The following MAMDC4 variants were observed in gnomAD, a reference collection of about 807,000 sequenced individuals.
The protein encoded by MAMDC4 is apical endosomal glycoprotein.
In MAMDC4, 168 loss-of-function variants were observed where a neutral mutation model predicts 153.3. The ratio of observed to expected loss-of-function variants is 1.10; its 90% confidence interval spans 0.97 to 1.25. The LOEUF (loss-of-function observed/expected upper bound fraction) is 1.25. Among genes scored for constraint, MAMDC4 ranks in the 50% most tolerant of loss-of-function variants. The pLI is 0.00. For synonymous variants in MAMDC4, 744 were observed against 651.5 expected, an observed-to-expected ratio of 1.14 and a Z score of -2.16; for missense variants, 1,701 against 1,542.8, an observed-to-expected ratio of 1.10 and a Z score of -1.72.
intron 20 of MAMDC4, 29 bp from the exon 21 acceptor site, chr9:136,858,157 C>A: frequency 6.4e-7 from 1 of 1,551,112 alleles, no homozygotes; most frequent in African/African-American, 1.4e-5. Context: ...CCTGGACCCG[C>A]TGAGGCTGCC....
In MAMDC4 at chr9:136,853,508, C is replaced by T. The variant is rs535710228; in HGVS notation, c.329-37C>T. On this transcript the variant is annotated intron_variant, in intron 3 of 26. Transcript: ENST00000317446. ...CGCCCCTGTCCCAATACCCTCCTTG[C>T]TCCCTGCCCCGTCTCCTGACCTCTC... The T allele has an allele frequency of 3.7e-5, 59 of 1,612,284 alleles. No individual in the cohort carries two copies. In the South Asian group the frequency reaches 6.1e-4, roughly 17 times the overall value.
In MAMDC4 at chr9:136,858,103, T is replaced by C. The variant is rs1391278165; in HGVS notation, c.2583+6T>C. The C allele has an allele frequency of 6.5e-7, 1 of 1,533,294 alleles. No individual in the cohort carries two copies. The highest frequency in any genetic ancestry group is 8.8e-7 in the Non-Finnish European group (1 of 1,141,270). 95.0% of individuals were successfully genotyped at this position (1,533,294 alleles called of 1,614,324 possible). ...AGGCCGAGCGAGCCTGGAGGGTGAG[T>C]GCAGGGTGGGGTGCCCCTCCCCCTC... is the stretch of plus-strand genomic sequence containing the variant. On this transcript the variant is annotated splice_donor_region_variant and intron_variant, in intron 20 of 26. Coordinates refer to ENST00000317446, the MANE Select transcript of MAMDC4 (RefSeq NM_206920.3).
At chr9:136,855,368 C>T (rs755768251) in intron 11 of MAMDC4, 30 bp downstream of exon 11, 2 of 1,600,356 alleles carry the variant, frequency 1.2e-6, no homozygotes, top group South Asian at 2.2e-5. Flanking sequence ...CCTACCCTGC[C>T]TTGCCCTGGA....
chr9:136,856,207 G>A (rs1849001970), intron 14 of MAMDC4, 58 bp downstream of exon 14: 3 of 1,611,554 alleles, frequency 1.9e-6, no homozygotes, highest in African/African-American at 2.7e-5. Flanking sequence ...TGCACAGTGG[G>A]AGGGGTCTGG....
At chr9:136,860,284 T>C (rs928885945) in intron 26 of MAMDC4, among the ~76,000 whole-genome samples, 17 of 152,098 alleles carry the variant, frequency 1.1e-4, no homozygotes, top group East Asian at 5.8e-4. Flanking sequence ...CTTTGGGAGA[T>C]TGAGGTGGGC....
chr9:136,858,608 C>A (rs922957404), intron 22 of MAMDC4, 62 bp downstream of exon 22: 199 of 1,579,348 alleles, frequency 1.3e-4, no homozygotes, highest in Middle Eastern at 1.7e-4. Flanking sequence ...CTGCTGCCCA[C>A]CCACAGAGTA....
At chr9:136,853,950 G>A (rs375313332) in intron 5 of MAMDC4, 42 bp from the exon 6 acceptor site, 2 of 1,612,742 alleles carry the variant, frequency 1.2e-6, no homozygotes, top group Admixed American at 1.7e-5. Flanking sequence ...TTGAGGAGGG[G>A]TCTGGGCCCT....
rs1849057622 is a variant in MAMDC4 at position 136,859,621 on chromosome 9, C to T, written c.3194-265C>T. ...GGTCCATCCTGGAGGAACCGCCAGC[C>T]GGGTCAGGGCAGCCACTGACTGCTC... On this transcript the variant is annotated intron_variant, in intron 25 of 26. Coordinates refer to ENST00000317446, the MANE Select transcript of MAMDC4 (RefSeq NM_206920.3). 1.2e-5 allele frequency: 7 copies of T among 592,242 alleles called. No homozygotes were observed. The South Asian group carries it at 1.4e-4, about 12-fold the overall frequency. 36.7% of individuals were successfully genotyped at this position (592,242 alleles called of 1,614,324 possible).
chr9:136,857,843 C>A, intron 19 of MAMDC4, 47 bp downstream of exon 19: 1 of 1,588,602 alleles, frequency 6.3e-7, no homozygotes, highest in Non-Finnish European at 8.6e-7. Flanking sequence ...GGAAGCTTGG[C>A]CTGGTGTCCC....
In MAMDC4 at chr9:136,854,604, C is replaced by T. The variant is rs764396242; in HGVS notation, c.862C>T (p.Arg288Trp). The T allele has an allele frequency of 4.8e-5, 77 of 1,607,268 alleles. No homozygotes were observed. Among genetic ancestry groups the T allele is most frequent in the African/African-American group, 6.7e-5 (5 of 74,736 alleles). Reference protein sequence around the residue: ...GPWNRSEGWSRNHRAGGPERP... With the variant: ...GPWNRSEGWSWNHRAGGPERP... ...ATGGAACCGCTCGGAAGGCTGGTCC[C>T]GGAACCACCGCGCTGGTGGTCCTGA... The change falls in exon 8 of 27, where the codon CGG (arginine) becomes TGG (tryptophan). Residue 288 changes from arginine (R) to tryptophan (W), a missense_variant. By Grantham distance (101) the Arg-to-Trp change is moderately radical. Coordinates refer to ENST00000317446, the MANE Select transcript of MAMDC4 (RefSeq NM_206920.3).
Position 136,855,354 on chromosome 9 carries a change from C to T in MAMDC4, c.1282+16C>T. On this transcript the variant is annotated intron_variant, in intron 11 of 26. Coordinates refer to ENST00000317446, the MANE Select transcript of MAMDC4 (RefSeq NM_206920.3). ...CCAGTCTCGGGTGAGCCTGCTGACTCTGCCCTACCCTGCCTTGCCCTGGAG... is the reference window on the plus strand; with the variant it reads ...CCAGTCTCGGGTGAGCCTGCTGACTTTGCCCTACCCTGCCTTGCCCTGGAG... 6.3e-7 allele frequency: 1 copy of T among 1,599,566 alleles called. No individual in the cohort carries two copies. Among genetic ancestry groups the T allele is most frequent in the Non-Finnish European group, 8.5e-7 (1 of 1,172,300 alleles).
chr9:136,860,157 G>A (rs1849066243), intron 26 of MAMDC4, 93 bp downstream of exon 26: 4 of 1,384,762 alleles, frequency 2.9e-6, no homozygotes, highest in South Asian at 2.9e-5. Context: ...CCCCGGGGAG[G>A]AGCCCCCACC....
chr9:136,860,678 C>A lies in MAMDC4; in HGVS notation c.*75C>A. 1 of 1,541,620 alleles carries A rather than the reference C, an allele frequency of 6.5e-7. No individual in the cohort carries two copies. ...CAGACCCTAGCCAGGGACCGGACAC[C>A]TGCCCCGCCCAGGCTGGGACAGGCT... On this transcript the variant is annotated 3_prime_UTR_variant, in exon 27 of 27. Coordinates refer to ENST00000317446, the MANE Select transcript of MAMDC4 (RefSeq NM_206920.3).
chr9:136,860,590 C>T lies in MAMDC4; in HGVS notation c.3401C>T (p.Thr1134Ile), dbSNP rs1564389985. ...ADGVTLPASV[T>I]SDP ...GGTGTCACCCTCCCGGCATCTGTCACCAGTGATCCGTAGACCACCCCAGAC... is the reference window on the plus strand; with the variant it reads ...GGTGTCACCCTCCCGGCATCTGTCATCAGTGATCCGTAGACCACCCCAGAC... The change falls in exon 27 of 27, where the codon ACC becomes ATC. Residue 1134 changes from threonine (T) to isoleucine (I), a missense_variant. Physicochemically the swap from Thr to Ile is moderately conservative, Grantham distance 89. Transcript: ENST00000317446. 6.2e-7 allele frequency: 1 copy of T among 1,613,204 alleles called. No individual in the cohort carries two copies. Among genetic ancestry groups the T allele is most frequent in the South Asian group, 1.1e-5 (1 of 91,086 alleles).
chr9:136,853,767 G>A lies in MAMDC4; in HGVS notation c.455-10G>A, dbSNP rs1229191154. On this transcript the variant is annotated splice_polypyrimidine_tract_variant and intron_variant, in intron 4 of 26. Coordinates refer to ENST00000317446, the MANE Select transcript of MAMDC4 (RefSeq NM_206920.3). The stretch of plus-strand genomic sequence containing the variant: ...GGGCCGCAGCTGCCCTGGGACCCCT[G>A]ACATTGCAGATGTGGCTGAACTGCG... The A allele has an allele frequency of 1.6e-5, 25 of 1,607,806 alleles. No homozygotes were observed. Among genetic ancestry groups the A allele is most frequent in the Non-Finnish European group, 2.1e-5 (25 of 1,177,254 alleles).
At chr9:136,852,944 G>T (rs1848946916) in intron 1 of MAMDC4, among the ~76,000 whole-genome samples, 158 bp from the exon 2 acceptor site, 1 of 152,224 alleles carries the variant, frequency 6.6e-6, no homozygotes, top group African/African-American at 2.4e-5. Context: ...AGCCGGGTGG[G>T]AGTTCTCTGT....
rs1849018592 is a variant in MAMDC4, at chr9:136,857,212, T to C, written c.2020T>C (p.Trp674Arg). ...ACGGGAAGGGGAGGAGACACACCTG[T>C]GGTCGCGGTCAGGCACCCAGGGCAA... is the stretch of plus-strand genomic sequence containing the variant. ...MRREGEETHLWSRSGTQGNRW... is the reference protein window; with the variant it reads ...MRREGEETHLRSRSGTQGNRW... Residue 674 changes from tryptophan to arginine, a missense_variant, in exon 17 of 27, where the codon TGG (tryptophan) becomes CGG (arginine). By Grantham distance (101) the Trp-to-Arg change is moderately radical. Transcript: ENST00000317446. 1.9e-6 allele frequency: 3 copies of C among 1,611,822 alleles called. No individual in the cohort carries two copies. Among genetic ancestry groups the C allele is most frequent in the Non-Finnish European group, 2.5e-6 (3 of 1,179,600 alleles).
chr9:136,858,972 C>T, intron 23 of MAMDC4, 33 bp from the exon 24 acceptor site: 1 of 1,509,806 alleles, frequency 6.6e-7, no homozygotes, highest in South Asian at 1.3e-5. Context: ...GCCCCAGGAC[C>T]CCAGGCCTGA....
chr9:136,856,142 G>A lies in MAMDC4; in HGVS notation c.1713G>A (p.Gln571=), dbSNP rs187795197. ...ACCTGGCTTATTATTTACAGAGCCAGCCCCGAGGTACCGCCACACTCCGCA... is the reference window on the plus strand; with the variant it reads ...ACCTGGCTTATTATTTACAGAGCCAACCCCGAGGTACCGCCACACTCCGCA... ...ELHLAYYLQS[Q]PREVSCNFER... Residue 571 remains glutamine (Q), a synonymous_variant, in exon 14 of 27, where the codon CAG becomes CAA. Transcript: ENST00000317446. The A allele has an allele frequency of 4.4e-5, 71 of 1,612,170 alleles. No homozygotes were observed. Among genetic ancestry groups the A allele is most frequent in the Non-Finnish European group, 5.6e-5 (66 of 1,179,668 alleles).
Sources: gnomAD v4.1 joint callset for allele counts (sites outside exome capture counted in the v4.1 genomes callset) on GRCh38, gnomAD v4.1.1 for gene constraint, MANE v1.5 for transcripts, NCBI Gene and HGNC (gene_info 2026-07-23, HGNC 2026-07-21) for gene names.